ABL1: variants seen among roughly 807,000 people sequenced by gnomAD.
The protein encoded by ABL1 is ABL proto-oncogene 1, non-receptor tyrosine kinase, also known as tyrosine-protein kinase ABL1.
Under a neutral mutation model 94.7 loss-of-function variants are expected in ABL1, and 11 were observed. That is an observed-to-expected ratio of 0.12 (90% CI 0.07 to 0.19). ABL1 has a LOEUF of 0.19. Among genes scored for constraint, ABL1 ranks in the 10% least tolerant of loss-of-function variants. ABL1 has a pLI of 1.00. For missense variants in ABL1, 1,082 were observed against 1,489.4 expected, an observed-to-expected ratio of 0.73 and a Z score of 4.50; for synonymous variants, 656 against 622.4, an observed-to-expected ratio of 1.05 and a Z score of -0.80.
intron 1 of ABL1, among the ~76,000 whole-genome samples, chr9:130,807,695 G>GTTTT (rs1201794127): frequency 4.1e-5 from 3 of 73,692 alleles, no homozygotes; most frequent in Non-Finnish European, 7.4e-5. Context: ...TATATATATA[G>GTTTT]TTTTTTTTTT....
chr9:130,875,668 T>C (rs1281019967), intron 7 of ABL1, among the ~76,000 whole-genome samples: 1 of 152,194 alleles, frequency 6.6e-6, no homozygotes, highest in Non-Finnish European at 1.5e-5. Context: ...GTATTCCTAG[T>C]AATGGGTGGC....
At chr9:130,824,779 C>T (rs1830404254) in intron 1 of ABL1, among the ~76,000 whole-genome samples, 1 of 152,136 alleles carries the variant, frequency 6.6e-6, no homozygotes, top group African/African-American at 2.4e-5. Flanking sequence ...ACTTAGTGAA[C>T]AGTTTCTCCA....
chr9:130,861,978 T>C (rs1831080494), intron 3 of ABL1, among the ~76,000 whole-genome samples: 1 of 152,242 alleles, frequency 6.6e-6, no homozygotes, highest in South Asian at 2.1e-4. Flanking sequence ...ACATGCAGGG[T>C]TTGACCCTAG....
At position 130,835,825 on chromosome 9, in the gene ABL1, C is replaced by G. The variant is rs1488128016; in HGVS notation, c.79+300C>G. Among the ~76,000 whole-genome samples, 2 of 152,172 alleles carry G rather than the reference C, an allele frequency of 1.3e-5. No homozygotes were observed. The highest frequency in any genetic ancestry group is 1.3e-4 in the Admixed American group (2 of 15,266). ...CGCCGGCGGAGCGTGGCCCCCAGCC[C>G]CGGCACCAGCCCCGGTAGAGCCACG... is the stretch of plus-strand genomic sequence containing the variant. On this transcript the variant is annotated intron_variant, in intron 1 of 10. Transcript: ENST00000318560. The surrounding 1 kb of genome is among the most constrained non-coding windows in gnomAD (Gnocchi z 4.6).
chr9:130,796,824 G>A (rs532733511), intron 1 of ABL1, among the ~76,000 whole-genome samples: 91 of 148,816 alleles, frequency 6.1e-4, no homozygotes, highest in African/African-American at 2.1e-3. Flanking sequence ...GGAGGCTGCG[G>A]CAGGAGAACC....
rs1421125861 is a variant in ABL1 at position 130,884,480 on chromosome 9, G to A, written c.2190G>A (p.Glu730=). The change falls in exon 11 of 11, where the codon GAG becomes GAA. Residue 730 remains glutamate, a synonymous_variant. Transcript: ENST00000318560. The surrounding 1 kb of genome is among the most constrained non-coding windows in gnomAD (Gnocchi z 5.6). ...SCVPHGAKDT[E]WRSVTLPRDL... ...TTCCCCATGGGGCCAAGGACACGGA[G>A]TGGAGGTCAGTCACGCTGCCTCGGG... 1 of 1,613,142 alleles carries A rather than the reference G, an allele frequency of 6.2e-7. No homozygotes were observed. The highest frequency in any genetic ancestry group is 8.5e-7 in the Non-Finnish European group (1 of 1,180,042).
At chr9:130,766,463 G>A (rs1217926066) in intron 1 of ABL1, among the ~76,000 whole-genome samples, 3 of 152,176 alleles carry the variant, frequency 2.0e-5, no homozygotes. Context: ...GTGTCTCATT[G>A]GGATACAAAT....
intron 3 of ABL1, among the ~76,000 whole-genome samples, chr9:130,861,119 G>C (rs907153141): frequency 2.0e-5 from 3 of 152,196 alleles, no homozygotes; most frequent in African/African-American, 7.2e-5. Flanking sequence ...GCCACATCCT[G>C]ATAAGTCTTG....
chr9:130,857,633 C>CT (rs35695882), intron 3 of ABL1, among the ~76,000 whole-genome samples: 19,267 of 144,782 alleles, frequency 0.13, 1,679 homozygotes, highest in African/African-American at 0.24. Context: ...ACCTTTTTAA[C>CT]TTTTTTTTTT....
chr9:130,864,403 C>T (rs780955664), intron 4 of ABL1, among the ~76,000 whole-genome samples: 1 of 152,122 alleles, frequency 6.6e-6, no homozygotes, highest in Non-Finnish European at 1.5e-5. Context: ...CGCCACCACA[C>T]CCAGCTAATT....
At position 130,863,690 on chromosome 9, in the gene ABL1, A is replaced by G. The variant is rs1318627208; in HGVS notation, c.822+655A>G. ...CAGGCAGGTTTTTTTCTTCTTTTGA[A>G]GTTCTTTGAAACCCTTAGGACGCCA... On this transcript the variant is annotated intron_variant, in intron 4 of 10. Coordinates refer to ENST00000318560, the MANE Select transcript of ABL1 (RefSeq NM_005157.6). The surrounding 1 kb of genome is among the most constrained non-coding windows in gnomAD (Gnocchi z 4.3). Among the ~76,000 whole-genome samples the G allele has an allele frequency of 6.6e-6, 1 of 152,194 alleles. No individual in the cohort carries two copies. The highest frequency in any genetic ancestry group is 2.4e-5 in the African/African-American group (1 of 41,444).
chr9:130,834,017 C>T (rs1830526361), upstream of ABL1: 1 of 455,996 alleles, frequency 2.2e-6, no homozygotes, highest in African/African-American at 2.0e-5. Context: ...GGTCGGGAGC[C>T]TGATCCTTGG....
At position 130,814,292 on chromosome 9, in the gene ABL1, AAAAG is replaced by A. The variant is rs1306944917; in HGVS notation, c.137-39756_137-39753del. On this transcript the variant is annotated intron_variant, in intron 1 of 10. Coordinates refer to the ABL1 transcript ENST00000372348. This position sits in a 1 kb window ranked among gnomAD's most constrained non-coding sequence, Gnocchi z 4.4. ...CAGAACGAGACTCCGTCTCAAAAAAAAAAGAAAGAAAGAAAGAAAAAGAAAAGGC... is the reference window on the plus strand; with the variant it reads ...CAGAACGAGACTCCGTCTCAAAAAAAAAAGAAAGAAAGAAAAAGAAAAGGC... Among the ~76,000 whole-genome samples, 133 of 152,190 alleles carry A rather than the reference AAAAG, an allele frequency of 8.7e-4. No homozygotes were observed. The highest frequency in any genetic ancestry group is 3.4e-3 in the Middle Eastern group (1 of 292).
At chr9:130,725,876 G>T (rs138871679) in intron 1 of ABL1, among the ~76,000 whole-genome samples, 4 of 118,950 alleles carry the variant, frequency 3.4e-5, no homozygotes, top group African/African-American at 1.2e-4. Context: ...CTGTCTCCCA[G>T]ACTGGAGTGC....
intron 1 of ABL1, among the ~76,000 whole-genome samples, chr9:130,739,707 G>T (rs760188474): frequency 8.5e-5 from 13 of 152,052 alleles, no homozygotes; most frequent in Non-Finnish European, 1.3e-4. Flanking sequence ...TCCAACCATG[G>T]TATGACTTCT....
At chr9:130,877,873 C>G (rs1380776957) in intron 7 of ABL1, among the ~76,000 whole-genome samples, 2 of 150,230 alleles carry the variant, frequency 1.3e-5, no homozygotes, top group African/African-American at 4.9e-5. Context: ...GTGGCGCGAT[C>G]TTGATCTTGG....
chr9:130,850,579 TTAC>T (rs1344085072), intron 1 of ABL1, among the ~76,000 whole-genome samples: 3 of 152,202 alleles, frequency 2.0e-5, no homozygotes, highest in Non-Finnish European at 4.4e-5. Flanking sequence ...TGATCTCAGC[TTAC>T]TACAACCTCT....
At chr9:130,761,940 A>G (rs886381501) in intron 1 of ABL1, among the ~76,000 whole-genome samples, 3 of 152,070 alleles carry the variant, frequency 2.0e-5, no homozygotes, top group Non-Finnish European at 4.4e-5. Flanking sequence ...GTCGGGAGTT[A>G]GAGACCAGCC....
At chr9:130,854,739 A>G (rs961572795) in intron 2 of ABL1, 62 bp from the exon 3 acceptor site, 7 of 1,520,392 alleles carry the variant, frequency 4.6e-6, no homozygotes, top group South Asian at 1.3e-5. Context: ...ACAAGAATCA[A>G]TGAAAAAGAA....
Sources: allele counts gnomAD v4.1 joint callset (sites outside exome capture counted in the v4.1 genomes callset), GRCh38; gene constraint gnomAD v4.1.1; non-coding constraint Gnocchi (gnomAD v3.1); transcripts MANE v1.5; gene names NCBI Gene and HGNC (gene_info 2026-07-23, HGNC 2026-07-21).